The following SLC25A21 variants were observed in gnomAD, a reference collection of about 807,000 sequenced individuals.
SLC25A21 encodes the protein solute carrier family 25 member 21, also known as mitochondrial 2-oxodicarboxylate carrier.
In SLC25A21, 47 loss-of-function variants were observed where a neutral mutation model predicts 43.8. That is an observed-to-expected ratio of 1.07 (90% CI 0.85 to 1.37). The LOEUF (loss-of-function observed/expected upper bound fraction) is 1.37, where lower values mean the gene tolerates loss of function less well. Ranked by LOEUF, SLC25A21 falls within the 40% of genes most tolerant of loss-of-function variation. The probability of loss-of-function intolerance (pLI) is 0.00; values close to 1 mark genes in which losing one functional copy is unlikely to be tolerated. For synonymous variants in SLC25A21, 131 were observed against 121.3 expected (o/e 1.08, Z -0.52); for missense variants, 352 against 350.2 (o/e 1.00, Z -0.04).
intron 3 of SLC25A21, 45 bp downstream of exon 3, chr14:36,813,873 T>C (rs750544717): frequency 7.5e-7 from 1 of 1,341,008 alleles, no homozygotes; most frequent in Non-Finnish European, 1.0e-6. Flanking sequence ...AGAAAACATG[T>C]TAAGTAGAAA....
At chr14:37,136,187 T>C (rs540748983) in intron 1 of SLC25A21, among the ~76,000 whole-genome samples, 11 of 152,206 alleles carry the variant, frequency 7.2e-5, no homozygotes, top group Non-Finnish European at 1.6e-4. Flanking sequence ...AGTAGTTATC[T>C]TAGTATGTGC....
chr14:37,086,061 C>T (rs143405411), intron 1 of SLC25A21, among the ~76,000 whole-genome samples: 1 of 152,024 alleles, frequency 6.6e-6, no homozygotes, highest in African/African-American at 2.4e-5. Flanking sequence ...GCTGAGATCA[C>T]GCCACTGCAC....
intron 2 of SLC25A21, among the ~76,000 whole-genome samples, chr14:36,818,869 T>C (rs1307356266): frequency 1.3e-5 from 2 of 152,214 alleles, no homozygotes; most frequent in African/African-American, 2.4e-5. Context: ...TAACAAATTC[T>C]CTCTACTTAG....
chr14:36,932,374 C>T (rs550620404), intron 1 of SLC25A21, among the ~76,000 whole-genome samples: 34 of 152,186 alleles, frequency 2.2e-4, no homozygotes, highest in Admixed American at 4.6e-4. Context: ...AAGGGATTTA[C>T]GGTGGAGGTA....
At chr14:36,738,151 G>C (rs1280950632) in intron 3 of SLC25A21, among the ~76,000 whole-genome samples, 1 of 152,182 alleles carries the variant, frequency 6.6e-6, no homozygotes, top group Non-Finnish European at 1.5e-5. Context: ...CCCTTGAGCA[G>C]ACCAGAAGAG....
chr14:36,870,291 C>A lies in SLC25A21; in HGVS notation c.119+4665G>T, dbSNP rs549284772. On this transcript the variant is annotated intron_variant, in intron 2 of 9. Coordinates refer to ENST00000331299, the MANE Select transcript of SLC25A21 (RefSeq NM_030631.4). ...CCACAAACCCTGTGGCTTAAAACAA[C>A]AAAAATTTATTCTTTCACAGTTCAG... Among the ~76,000 whole-genome samples, 6 of 152,270 alleles carry A rather than the reference C, an allele frequency of 3.9e-5. No individual in the cohort carries two copies. In the South Asian group the frequency reaches 1.2e-3, roughly 32 times the overall value.
chr14:36,825,295 C>A (rs553477665), intron 2 of SLC25A21, among the ~76,000 whole-genome samples: 1 of 152,120 alleles, frequency 6.6e-6, no homozygotes, highest in Non-Finnish European at 1.5e-5. Flanking sequence ...TAACTAAATG[C>A]CTTTAATAAT....
At chr14:37,043,260 C>T (rs1167621277) in intron 1 of SLC25A21, among the ~76,000 whole-genome samples, 2 of 152,212 alleles carry the variant, frequency 1.3e-5, no homozygotes, top group Non-Finnish European at 2.9e-5. Context: ...AATCCATCCC[C>T]CATATCACAG....
chr14:36,911,604 T>C (rs1319651250), intron 1 of SLC25A21, among the ~76,000 whole-genome samples: 1 of 152,124 alleles, frequency 6.6e-6, no homozygotes, highest in East Asian at 1.9e-4. Context: ...CCAGCACAAG[T>C]CACATGCAGA....
At chr14:36,923,847 C>T (rs562951701) in intron 1 of SLC25A21, among the ~76,000 whole-genome samples, 35 of 152,202 alleles carry the variant, frequency 2.3e-4, no homozygotes, top group South Asian at 4.2e-4. Context: ...AAAACAACCC[C>T]GTCAAAAAGT....
At chr14:36,709,364 T>G (rs2144315) in intron 7 of SLC25A21, among the ~76,000 whole-genome samples, 95,165 of 152,098 alleles carry the variant, frequency 0.63, 30,516 homozygotes, top group East Asian at 0.88. Flanking sequence ...TTTGCATTCT[T>G]TTCTGGGCCT....
At chr14:36,696,774 T>A (rs1422186082) in intron 7 of SLC25A21, among the ~76,000 whole-genome samples, 1 of 152,230 alleles carries the variant, frequency 6.6e-6, no homozygotes, top group Non-Finnish European at 1.5e-5. Context: ...TCATTTTTTA[T>A]TGCATCTATT....
intron 4 of SLC25A21, among the ~76,000 whole-genome samples, chr14:36,732,560 A>C (rs1884872484): frequency 6.6e-6 from 1 of 152,190 alleles, no homozygotes. Context: ...GCTCATTTCA[A>C]AGAATAAAGT....
intron 1 of SLC25A21, among the ~76,000 whole-genome samples, chr14:36,879,090 C>G (rs1343506262): frequency 6.6e-6 from 1 of 152,020 alleles, no homozygotes. Context: ...ATCTTAAAAC[C>G]AGAAAAAAGT....
intron 1 of SLC25A21, among the ~76,000 whole-genome samples, chr14:37,043,111 C>A (rs1031771512): frequency 6.6e-6 from 1 of 152,198 alleles, no homozygotes; most frequent in Non-Finnish European, 1.5e-5. Context: ...ACAGACACAA[C>A]GTAAGTTCTG....
chr14:36,873,852 G>A (rs61112884), intron 2 of SLC25A21, among the ~76,000 whole-genome samples: 5,313 of 152,098 alleles, frequency 0.035, 293 homozygotes, highest in African/African-American at 0.12. Flanking sequence ...GCAAGAAGGA[G>A]GCCCTCTACA....
intron 7 of SLC25A21, among the ~76,000 whole-genome samples, chr14:36,693,759 G>A (rs1375868654): frequency 6.6e-6 from 1 of 151,846 alleles, no homozygotes; most frequent in Admixed American, 6.6e-5. Context: ...TCAGCTTCCC[G>A]AGTAGCTGGA....
chr14:36,852,162 T>C (rs182167762), intron 2 of SLC25A21, among the ~76,000 whole-genome samples: 1 of 152,274 alleles, frequency 6.6e-6, no homozygotes, highest in Non-Finnish European at 1.5e-5. Context: ...ATTTTCTTTA[T>C]TGCATGGAGC....
chr14:36,841,979 T>C (rs557000247), intron 2 of SLC25A21, among the ~76,000 whole-genome samples: 1 of 152,330 alleles, frequency 6.6e-6, no homozygotes, highest in South Asian at 2.1e-4. Context: ...CCTGAAGATT[T>C]TGGTCCCCTT....
Sources: gnomAD v4.1 joint callset for allele counts (sites outside exome capture counted in the v4.1 genomes callset) on GRCh38, gnomAD v4.1.1 for gene constraint, MANE v1.5 for transcripts, NCBI Gene and HGNC (gene_info 2026-07-23, HGNC 2026-07-21) for gene names.